The following PCDH9 variants were observed in gnomAD, a reference collection of about 807,000 sequenced individuals.
The protein encoded by PCDH9 is protocadherin-9.
PCDH9 carries 24 observed loss-of-function variants against 70.6 expected under a neutral mutation model. The ratio of observed to expected loss-of-function variants is 0.34; its 90% CI spans 0.25 to 0.48. PCDH9 has a LOEUF of 0.48. PCDH9 is among the 20% of genes least tolerant of loss of function. PCDH9 has a pLI of 0.99. For synonymous variants in PCDH9, 562 were observed against 558.5 expected (o/e 1.01, Z -0.09); for missense variants, 1,281 against 1,503.6 (o/e 0.85, Z 2.45).
intron 4 of PCDH9, among the ~76,000 whole-genome samples, chr13:66,561,054 G>A (rs1335556639): frequency 6.6e-6 from 1 of 152,224 alleles, no homozygotes; most frequent in Non-Finnish European, 1.5e-5. Flanking sequence ...AGCTTGCTGG[G>A]AGATGTGGAG....
chr13:66,997,962 C>T (rs1024326013), intron 2 of PCDH9, among the ~76,000 whole-genome samples: 2 of 152,120 alleles, frequency 1.3e-5, no homozygotes, highest in African/African-American at 4.8e-5. Context: ...TGAAACCTGT[C>T]AGTTTGTGTT....
intron 2 of PCDH9, among the ~76,000 whole-genome samples, chr13:67,036,348 T>A (rs1230315513): frequency 2.0e-5 from 3 of 152,168 alleles, no homozygotes; most frequent in African/African-American, 7.2e-5. Context: ...AAATCTCTAT[T>A]CCTACATAAA....
chr13:66,677,288 C>T (rs1456654233), intron 3 of PCDH9, among the ~76,000 whole-genome samples: 4 of 152,134 alleles, frequency 2.6e-5, no homozygotes, highest in African/African-American at 9.6e-5. Context: ...ATATAAAAAG[C>T]CACTTGTCAA....
chr13:66,723,883 G>T (rs940619097), intron 3 of PCDH9, among the ~76,000 whole-genome samples: 1 of 152,146 alleles, frequency 6.6e-6, no homozygotes, highest in Non-Finnish European at 1.5e-5. Flanking sequence ...TTTAAAAGTC[G>T]CATTGTGCCA....
At chr13:66,593,986 T>G (rs572370677) in intron 4 of PCDH9, among the ~76,000 whole-genome samples, 1 of 151,652 alleles carries the variant, frequency 6.6e-6, no homozygotes, top group East Asian at 1.9e-4. Context: ...ATAGTGGTGT[T>G]TTGGACAACA....
At chr13:66,457,089 C>G (rs1180125676) in intron 4 of PCDH9, among the ~76,000 whole-genome samples, 1 of 151,982 alleles carries the variant, frequency 6.6e-6, no homozygotes, top group Non-Finnish European at 1.5e-5. Flanking sequence ...GTACTTGTGC[C>G]TATAAGGGAG....
intron 4 of PCDH9, among the ~76,000 whole-genome samples, chr13:66,413,352 G>A (rs1467579262): frequency 6.6e-6 from 1 of 152,136 alleles, no homozygotes; most frequent in Non-Finnish European, 1.5e-5. Context: ...ATAAGCAACT[G>A]TAAAGATACA....
intron 3 of PCDH9, among the ~76,000 whole-genome samples, chr13:66,874,549 T>G (rs1039834774): frequency 6.6e-6 from 1 of 152,144 alleles, no homozygotes; most frequent in Non-Finnish European, 1.5e-5. Flanking sequence ...GGCAGCACTG[T>G]GCCCCCTAGT....
intron 2 of PCDH9, among the ~76,000 whole-genome samples, chr13:66,965,098 C>T (rs988339522): frequency 2.3e-4 from 35 of 151,932 alleles, no homozygotes; most frequent in African/African-American, 8.2e-4. Context: ...AAAAAACACA[C>T]AGTTTAAAAT....
chr13:66,622,859 C>T (rs1413260679), intron 4 of PCDH9, among the ~76,000 whole-genome samples: 3 of 150,818 alleles, frequency 2.0e-5, no homozygotes, highest in African/African-American at 7.3e-5. Flanking sequence ...CTGCTGCTCA[C>T]TCTTTGTGTC....
At chr13:67,005,013 T>C (rs2084322907) in intron 2 of PCDH9, among the ~76,000 whole-genome samples, 2 of 152,066 alleles carry the variant, frequency 1.3e-5, no homozygotes, top group South Asian at 4.1e-4. Context: ...TCCTCCTCTC[T>C]GTAATTTAGC....
At chr13:66,554,945 A>G (rs1010571381) in intron 4 of PCDH9, among the ~76,000 whole-genome samples, 1 of 152,100 alleles carries the variant, frequency 6.6e-6, no homozygotes, top group African/African-American at 2.4e-5. Flanking sequence ...CGAGGCAGGC[A>G]GACCACCTGA....
chr13:66,895,584 A>G (rs1433789672), intron 3 of PCDH9, among the ~76,000 whole-genome samples: 4 of 152,222 alleles, frequency 2.6e-5, no homozygotes, highest in Non-Finnish European at 5.9e-5. Flanking sequence ...AAACTTCTGA[A>G]AACTCCACAC....
intron 3 of PCDH9, among the ~76,000 whole-genome samples, chr13:66,650,309 A>G (rs1482833675): frequency 6.6e-6 from 1 of 152,048 alleles, no homozygotes; most frequent in Non-Finnish European, 1.5e-5. Flanking sequence ...GCAAATGGAA[A>G]CTAAAAAAGA....
intron 4 of PCDH9, among the ~76,000 whole-genome samples, chr13:66,530,121 AT>A (rs1363105333): frequency 2.0e-5 from 3 of 152,068 alleles, no homozygotes; most frequent in Non-Finnish European, 4.4e-5. Flanking sequence ...TCTGCTTCCA[AT>A]TTCAAACAAA....
chr13:66,759,688 G>C (rs2079592306), intron 3 of PCDH9, among the ~76,000 whole-genome samples: 1 of 68,300 alleles, frequency 1.5e-5, no homozygotes, highest in Non-Finnish European at 3.4e-5. Context: ...TTACCATGAG[G>C]CTTATAAAAA....
Position 66,754,772 on chromosome 13 carries a change from C to G in PCDH9, c.3139-123361G>C, listed in dbSNP as rs1291577756. 3.3e-5 allele frequency among the ~76,000 whole-genome samples: 5 copies of G among 152,158 alleles called. No homozygotes were observed. The East Asian group carries it at 9.6e-4, about 29-fold the overall frequency. ...TCCTAGATCAAAATAATACATCATA[C>G]TGGTATCCAATTATTTTTCTTATTT... On this transcript the variant is annotated intron_variant, in intron 3 of 4. Transcript: ENST00000377865.
chr13:66,349,840 C>T (rs1956266547), intron 4 of PCDH9, among the ~76,000 whole-genome samples: 1 of 152,164 alleles, frequency 6.6e-6, no homozygotes. Context: ...AGCTAGGGAA[C>T]TACTACTATG....
intron 4 of PCDH9, among the ~76,000 whole-genome samples, chr13:66,503,423 G>T (rs1250483011): frequency 2.0e-5 from 3 of 152,078 alleles, no homozygotes; most frequent in Non-Finnish European, 2.9e-5. Flanking sequence ...ATCACACAAT[G>T]TTCATTCATA....
Sources: gnomAD v4.1 joint callset for allele counts (sites outside exome capture counted in the v4.1 genomes callset) on GRCh38, gnomAD v4.1.1 for gene constraint, MANE v1.5 for transcripts, NCBI Gene and HGNC (gene_info 2026-07-23, HGNC 2026-07-21) for gene names.